Variants in PDK3 observed in about 807,000 individuals in gnomAD.
PDK3 encodes the protein pyruvate dehydrogenase kinase, isozyme 3.
In PDK3, 12 loss-of-function variants were observed where a neutral mutation model predicts 32.0. The ratio of observed to expected loss-of-function variants is 0.37; its 90% CI spans 0.24 to 0.61. PDK3 has a LOEUF of 0.61. Ranked by LOEUF, PDK3 falls within the 20% of genes least tolerant of loss-of-function variation. The pLI is 0.65. For missense variants in PDK3, 188 were observed against 316.9 expected (o/e 0.59, Z 3.09); for synonymous variants, 122 against 116.3 (o/e 1.05, Z -0.31).
At position 24,494,784 on chromosome X, in the gene PDK3, G is replaced by T. The variant is rs757407648; in HGVS notation, c.149G>T (p.Arg50Leu). The T allele has an allele frequency of 1.7e-6, 2 of 1,197,316 alleles. No homozygotes were observed. Among genetic ancestry groups the T allele is most frequent in the Admixed American group, 4.4e-5 (2 of 45,404 alleles). The change falls in exon 2 of 11, where the codon CGA (arginine) becomes CTA (leucine). Residue 50 changes from arginine (R) to leucine (L), a missense_variant. Physicochemically the swap from Arg to Leu is moderately radical, Grantham distance 102. Coordinates refer to ENST00000379162, the MANE Select transcript of PDK3 (RefSeq NM_005391.5). ...ACEKTSYMFLRKELPVRLANT... is the reference protein window; with the variant it reads ...ACEKTSYMFLLKELPVRLANT... ...GAGAAAACTTCATATATGTTTCTAC[G>T]AAAGGAACTTCCTGTGCGGCTGGCT...
chrX:24,499,813 C>A (rs1921807436), intron 3 of PDK3, among the ~76,000 whole-genome samples: 1 of 111,982 alleles, frequency 8.9e-6, no homozygotes, highest in Non-Finnish European at 1.9e-5. Flanking sequence ...TAGTTCTAGT[C>A]TAGTTGTAAA....
downstream of PDK3, among the ~76,000 whole-genome samples, chrX:24,536,318 G>A (rs1922777596): frequency 9.0e-6 from 1 of 110,991 alleles, no homozygotes; most frequent in Non-Finnish European, 1.9e-5. Context: ...TGATCATTTC[G>A]GCCTGTGTTA....
exon 12 of PDK3, among the ~76,000 whole-genome samples, chrX:24,540,498 C>T (rs1417940624): frequency 1.8e-5 from 2 of 112,234 alleles, no homozygotes; most frequent in South Asian, 3.7e-4. Flanking sequence ...CTCCCACCAC[C>T]GTGGGGGATT....
At chrX:24,514,078 G>T (rs1456058223) in intron 5 of PDK3, among the ~76,000 whole-genome samples, 1 of 111,768 alleles carries the variant, frequency 8.9e-6, no homozygotes, top group African/African-American at 3.2e-5. Flanking sequence ...ATGCATTCAA[G>T]ATAGAGGCTA....
chrX:24,534,606 C>T (rs1160387197), downstream of PDK3, among the ~76,000 whole-genome samples: 2 of 112,208 alleles, frequency 1.8e-5, no homozygotes, highest in African/African-American at 6.5e-5. Context: ...TGCACAACAG[C>T]GTGAATGTAC....
At chrX:24,498,691 G>A in intron 2 of PDK3, 138 bp from the exon 3 acceptor site, 1 of 386,963 alleles carries the variant, frequency 2.6e-6, no homozygotes, top group South Asian at 6.3e-5. Flanking sequence ...ATGCACTTAA[G>A]CCACATGGGG....
At chrX:24,535,997 A>G (rs1204479985), downstream of PDK3, among the ~76,000 whole-genome samples, 2 of 97,307 alleles carry the variant, frequency 2.1e-5, no homozygotes, top group African/African-American at 7.4e-5. Context: ...GAAGGAAGGA[A>G]AGGGAGGGGG....
At chrX:24,478,661 C>G (rs1005663568) in intron 1 of PDK3, among the ~76,000 whole-genome samples, 1 of 111,993 alleles carries the variant, frequency 8.9e-6, no homozygotes, top group Admixed American at 9.4e-5. Context: ...GAGATTAAAC[C>G]TTTTGCCATA....
intron 4 of PDK3, among the ~76,000 whole-genome samples, chrX:24,504,962 G>A (rs775385033): frequency 1.8e-5 from 2 of 111,970 alleles, no homozygotes; most frequent in South Asian, 3.7e-4. Context: ...CACCTGGCAC[G>A]TGTCACTGCT....
rs1384603441 is a variant in PDK3, at chrX:24,465,407, T to G, written c.-49T>G. The G allele has an allele frequency of 1.0e-6, 1 of 997,644 alleles. No individual in the cohort carries two copies. The highest frequency in any genetic ancestry group is 2.8e-4 in the Middle Eastern group (1 of 3,596). The allele number at this position is 997,644 out of a possible 1,213,427, so 82.2% of individuals were successfully genotyped here. A position where few individuals can be genotyped will look rare whatever the true frequency, so the allele number is the denominator to read the frequency against. On this transcript the variant is annotated 5_prime_UTR_variant, in exon 1 of 11. Transcript: ENST00000379162. ...CCGTGCGGCTTGGCTGCGCCAGCCC[T>G]TGCGGCCACCCGGGCGTCTAGGCGG...
At chrX:24,483,715 T>G (rs748818158) in intron 1 of PDK3, among the ~76,000 whole-genome samples, 2 of 111,690 alleles carry the variant, frequency 1.8e-5, no homozygotes, top group East Asian at 2.8e-4. Context: ...CGAGGTTTTT[T>G]TGTGTGTGTG....
intron 5 of PDK3, among the ~76,000 whole-genome samples, chrX:24,514,870 G>A (rs1388695092): frequency 2.7e-5 from 3 of 111,266 alleles, no homozygotes; most frequent in Non-Finnish European, 3.8e-5. Flanking sequence ...CTACTGCCTC[G>A]GAATTTCCAG....
intron 1 of PDK3, among the ~76,000 whole-genome samples, chrX:24,472,237 C>T (rs1234363271): frequency 8.9e-6 from 1 of 111,962 alleles, no homozygotes; most frequent in East Asian, 2.8e-4. Flanking sequence ...CCATATGGGT[C>T]ACCACTTGTC....
chrX:24,475,701 G>A lies in PDK3; in HGVS notation c.106+10140G>A, dbSNP rs750743525. Among the ~76,000 whole-genome samples the A allele has an allele frequency of 2.7e-5, 3 of 109,677 alleles. No individual in the cohort carries two copies. The South Asian group carries it at 1.2e-3, about 43-fold the overall frequency. The stretch of plus-strand genomic sequence containing the variant: ...GGGAAGTAGAAAGGGAAGGAAAGAA[G>A]GGAGGAAAGGTAGAAGACGGAAGGA... On this transcript the variant is annotated intron_variant, in intron 1 of 10. Coordinates refer to ENST00000379162, the MANE Select transcript of PDK3 (RefSeq NM_005391.5).
chrX:24,529,512 C>G (rs772881293), intron 9 of PDK3, among the ~76,000 whole-genome samples: 187 of 111,446 alleles, frequency 1.7e-3, no homozygotes, highest in African/African-American at 5.8e-3. Context: ...AATCCTAGCA[C>G]TTTGGGAGGC....
At chrX:24,532,272 GA>G (rs1255892302) in intron 10 of PDK3, among the ~76,000 whole-genome samples, 114 of 102,039 alleles carry the variant, frequency 1.1e-3, no homozygotes, top group African/African-American at 2.9e-3. Flanking sequence ...TCTCAAAAGA[GA>G]AAAAAAAAAA....
intron 1 of PDK3, among the ~76,000 whole-genome samples, chrX:24,476,314 A>G (rs1441452763): frequency 3.6e-5 from 4 of 112,253 alleles, no homozygotes; most frequent in Admixed American, 9.4e-5. Context: ...AATTTCCAAA[A>G]AGCAAAATTT....
chrX:24,481,039 T>G (rs1402458968), intron 1 of PDK3, among the ~76,000 whole-genome samples: 1 of 83,713 alleles, frequency 1.2e-5, no homozygotes, highest in African/African-American at 5.3e-5. Context: ...TGCATACTCT[T>G]TTTCTTTTTC....
rs375611446 is a variant in PDK3 at position 24,512,517 on chromosome X, C to T, written c.596-6416C>T. On this transcript the variant is annotated intron_variant, in intron 5 of 10. Transcript: ENST00000379162. ...AGAACCTGGTAGGTCCCATGATAAT[C>T]CAAGGACAGGAAGCACTTTATAGTT... is the stretch of plus-strand genomic sequence containing the variant. Among the ~76,000 whole-genome samples, 20 of 111,924 alleles carry T rather than the reference C, an allele frequency of 1.8e-4. No individual in the cohort carries two copies. In the South Asian group the frequency reaches 6.7e-3, roughly 38 times the overall value.
Sources: allele counts gnomAD v4.1 joint callset (sites outside exome capture counted in the v4.1 genomes callset), GRCh38; gene constraint gnomAD v4.1.1; transcripts MANE v1.5; gene names NCBI Gene and HGNC (gene_info 2026-07-23, HGNC 2026-07-21).